The following HS3ST5 variants were observed in gnomAD, a reference collection of about 807,000 sequenced individuals.
HS3ST5 encodes the protein heparan sulfate glucosamine 3-O-sulfotransferase 5.
A neutral mutation model predicts 25.4 loss-of-function variants in HS3ST5; 10 were observed. That is an observed-to-expected ratio of 0.39 (90% CI 0.24 to 0.67). HS3ST5 has a LOEUF of 0.67. HS3ST5 is among the 30% of genes least tolerant of loss of function. The pLI is 0.44. For missense variants in HS3ST5, 324 were observed against 420.7 expected (o/e 0.77, Z 2.01); for synonymous variants, 170 against 162.4 (o/e 1.05, Z -0.36).
chr6:114,207,481 G>C (rs1257212474), intron 2 of HS3ST5, among the ~76,000 whole-genome samples: 1 of 152,110 alleles, frequency 6.6e-6, no homozygotes. Context: ...GAAGCATAAA[G>C]AGCAGCATTA....
chr6:114,239,934 C>A (rs1475445542), intron 1 of HS3ST5, among the ~76,000 whole-genome samples: 1 of 152,006 alleles, frequency 6.6e-6, no homozygotes, highest in Non-Finnish European at 1.5e-5. Flanking sequence ...TTCTTAGATA[C>A]TTTGCCAGCA....
chr6:114,234,686 T>C (rs1328691989), intron 1 of HS3ST5, among the ~76,000 whole-genome samples: 2 of 152,212 alleles, frequency 1.3e-5, no homozygotes, highest in Non-Finnish European at 2.9e-5. Flanking sequence ...TTCTTTTCTG[T>C]ACTTGGGGGA....
Position 114,057,135 on chromosome 6 carries a change from A to T in HS3ST5, c.*122T>A. 2 of 707,106 alleles carry T rather than the reference A, an allele frequency of 2.8e-6. No individual in the cohort carries two copies. Among genetic ancestry groups the T allele is most frequent in the Non-Finnish European group, 4.8e-6 (2 of 417,946 alleles). The allele number at this position is 707,106 out of a possible 1,614,324, so 43.8% of individuals were successfully genotyped here. Reference sequence around the variant, plus strand: ...TCTTATATTTGGTCACACACTGCGTATGTACAAATATACATGGAAAAATGA... The same window carrying T: ...TCTTATATTTGGTCACACACTGCGTTTGTACAAATATACATGGAAAAATGA... On this transcript the variant is annotated 3_prime_UTR_variant, in exon 5 of 5. Transcript: ENST00000312719.
At chr6:114,060,164 C>A (rs6904640) in intron 4 of HS3ST5, among the ~76,000 whole-genome samples, 25,425 of 151,928 alleles carry the variant, frequency 0.17, 2,423 homozygotes, top group African/African-American at 0.27. Flanking sequence ...CAGGCGTGCG[C>A]CACCATACCC....
chr6:114,261,733 T>C (rs1453896793), intron 1 of HS3ST5, among the ~76,000 whole-genome samples: 1 of 152,242 alleles, frequency 6.6e-6, no homozygotes, highest in Non-Finnish European at 1.5e-5. Context: ...ATTAGATATG[T>C]CCTCCAACAT....
At chr6:114,199,247 C>T (rs1780902551) in intron 2 of HS3ST5, among the ~76,000 whole-genome samples, 1 of 152,098 alleles carries the variant, frequency 6.6e-6, no homozygotes, top group African/African-American at 2.4e-5. Context: ...ACAAATTTGA[C>T]TGCAAAAATG....
At chr6:114,158,696 C>G (rs1250241938) in intron 3 of HS3ST5, among the ~76,000 whole-genome samples, 1 of 152,176 alleles carries the variant, frequency 6.6e-6, no homozygotes, top group Non-Finnish European at 1.5e-5. Context: ...AGGACTTGTT[C>G]TTTGCAAAAT....
In HS3ST5 at chr6:114,169,551, A is replaced by G. The variant is rs1261941396; in HGVS notation, c.-144-1089T>C. On this transcript the variant is annotated intron_variant, in intron 2 of 4. Coordinates refer to ENST00000312719, the MANE Select transcript of HS3ST5 (RefSeq NM_153612.4). ...CCAGCTATTTTAGAACATGGCACAT[A>G]TCAGTCATGCCCAGAAAACTGGCTC... Among the ~76,000 whole-genome samples the G allele has an allele frequency of 3.9e-5, 6 of 152,324 alleles. No individual in the cohort carries two copies. In the East Asian group the frequency reaches 1.2e-3, roughly 29 times the overall value.
At chr6:114,286,339 A>C (rs1774339298) in intron 1 of HS3ST5, among the ~76,000 whole-genome samples, 1 of 152,020 alleles carries the variant, frequency 6.6e-6, no homozygotes, top group African/African-American at 2.4e-5. Flanking sequence ...ATTGCTAATC[A>C]ATGGGCATAA....
chr6:114,277,860 GT>G (rs1773929941), intron 1 of HS3ST5, among the ~76,000 whole-genome samples: 2 of 151,912 alleles, frequency 1.3e-5, no homozygotes, highest in Admixed American at 1.3e-4. Flanking sequence ...CCTTGTCGAG[GT>G]TATAGTTGTA....
intron 1 of HS3ST5, chr6:114,251,715 T>C (rs1388077550): frequency 6.6e-6 from 1 of 152,210 alleles, no homozygotes; most frequent in Non-Finnish European, 1.5e-5. Flanking sequence ...GCTTGACTGG[T>C]ATCTGAAAAC....
Position 114,273,130 on chromosome 6 carries a change from T to C in HS3ST5, c.-338-44352A>G, listed in dbSNP as rs1490883544. ...AAGGACAAAGAAAGATATGAAATAATGCCATTGAGAGATTATTGTGGCAAA... is the reference window on the plus strand; with the variant it reads ...AAGGACAAAGAAAGATATGAAATAACGCCATTGAGAGATTATTGTGGCAAA... On this transcript the variant is annotated intron_variant, in intron 1 of 4. Transcript: ENST00000312719. Among the ~76,000 whole-genome samples, 3 of 152,062 alleles carry C rather than the reference T, an allele frequency of 2.0e-5. No homozygotes were observed. In the East Asian group the frequency reaches 5.8e-4, roughly 29 times the overall value.
At chr6:114,324,362 GTT>G (rs886836194) in intron 1 of HS3ST5, among the ~76,000 whole-genome samples, 3 of 152,186 alleles carry the variant, frequency 2.0e-5, no homozygotes, top group Non-Finnish European at 4.4e-5. Context: ...CAGGTTTCTA[GTT>G]TCAGCTCATC....
chr6:114,290,840 T>C (rs1582791834), intron 1 of HS3ST5, among the ~76,000 whole-genome samples: 1 of 151,992 alleles, frequency 6.6e-6, no homozygotes, highest in Non-Finnish European at 1.5e-5. Flanking sequence ...GTTACTATTT[T>C]TTTTTTAAGC....
At chr6:114,090,963 T>C (rs1775089054) in intron 3 of HS3ST5, among the ~76,000 whole-genome samples, 1 of 152,214 alleles carries the variant, frequency 6.6e-6, no homozygotes, top group Non-Finnish European at 1.5e-5. Flanking sequence ...ATCAAACTTT[T>C]ATTACAAATG....
At chr6:114,127,615 G>A (rs1582630435) in intron 3 of HS3ST5, among the ~76,000 whole-genome samples, 1 of 152,060 alleles carries the variant, frequency 6.6e-6, no homozygotes, top group South Asian at 2.1e-4. Context: ...AATAACCACA[G>A]ATACAAGCCA....
At chr6:114,272,586 T>C (rs922115000) in intron 1 of HS3ST5, among the ~76,000 whole-genome samples, 4 of 152,084 alleles carry the variant, frequency 2.6e-5, no homozygotes, top group African/African-American at 7.2e-5. Context: ...TGCTGTTCCA[T>C]TTTCAACTCC....
At chr6:114,120,733 C>G (rs907525744) in intron 3 of HS3ST5, among the ~76,000 whole-genome samples, 1 of 152,166 alleles carries the variant, frequency 6.6e-6, no homozygotes, top group African/African-American at 2.4e-5. Flanking sequence ...AAAGGATACT[C>G]TTAGAGAAAA....
At chr6:114,175,760 C>T (rs1190867367) in intron 2 of HS3ST5, among the ~76,000 whole-genome samples, 1 of 152,072 alleles carries the variant, frequency 6.6e-6, no homozygotes. Flanking sequence ...TGTTATCGTC[C>T]ACAGCAAAAG....
Sources: allele counts gnomAD v4.1 joint callset (sites outside exome capture counted in the v4.1 genomes callset), GRCh38; gene constraint gnomAD v4.1.1; transcripts MANE v1.5; gene names NCBI Gene and HGNC (gene_info 2026-07-23, HGNC 2026-07-21).